Variants in IKZF3 observed in about 807,000 individuals in gnomAD.
The protein encoded by IKZF3 is IKAROS family zinc finger 3.
In IKZF3, 10 loss-of-function variants were observed where a neutral mutation model predicts 49.0. The observed-to-expected ratio is 0.20, with a 90% CI of 0.13 to 0.35. The LOEUF (loss-of-function observed/expected upper bound fraction) is 0.35. Among genes scored for constraint, IKZF3 ranks in the 10% least tolerant of loss-of-function variants. IKZF3 has a pLI of 1.00. For missense variants in IKZF3, 498 were observed against 664.8 expected, an observed-to-expected ratio of 0.75 and a Z score of 2.76; for synonymous variants, 209 against 228.2, an observed-to-expected ratio of 0.92 and a Z score of 0.76.
rs539420917 is a variant in IKZF3, at chr17:39,829,478, C to T, written c.72G>A (p.Ala24=). ...QEQSVPAESA[A]VLNDYSLTKS... Reference sequence around the variant, plus strand: ...TGGTTAAACTGTAGTCATTCAAAACCGCTGCACTTTCTAAAAGATAAAAGG... The same window carrying T: ...TGGTTAAACTGTAGTCATTCAAAACTGCTGCACTTTCTAAAAGATAAAAGG... Residue 24 remains alanine (A), a synonymous_variant, in exon 3 of 8, where the codon GCG becomes GCA. Transcript: ENST00000346872. 1.7e-5 allele frequency: 27 copies of T among 1,612,054 alleles called. No homozygotes were observed. Among genetic ancestry groups the T allele is most frequent in the South Asian group, 4.4e-5 (4 of 91,020 alleles).
intron 1 of IKZF3, among the ~76,000 whole-genome samples, chr17:39,840,177 T>C (rs1358312661): frequency 6.6e-6 from 1 of 152,184 alleles, no homozygotes; most frequent in Non-Finnish European, 1.5e-5. Flanking sequence ...TTAGCCTCAG[T>C]TGGGCTATTT....
At chr17:39,779,645 TG>T (rs1489188367) in intron 6 of IKZF3, among the ~76,000 whole-genome samples, 2 of 103,816 alleles carry the variant, frequency 1.9e-5, no homozygotes, top group African/African-American at 4.1e-5. Context: ...TTATATTCTT[TG>T]TTTTTTGTTT....
At chr17:39,852,148 C>A (rs1258130762) in intron 1 of IKZF3, among the ~76,000 whole-genome samples, 2 of 152,180 alleles carry the variant, frequency 1.3e-5, no homozygotes, top group African/African-American at 4.8e-5. Context: ...TAAACTTACA[C>A]TACAGATAGT....
intron 1 of IKZF3, chr17:39,835,214 G>T: frequency 1.9e-6 from 1 of 521,198 alleles, no homozygotes. Context: ...ACTTCAGCTG[G>T]CTCTCCTTGC....
intron 3 of IKZF3, among the ~76,000 whole-genome samples, chr17:39,803,664 C>T (rs545235906): frequency 4.9e-4 from 74 of 152,058 alleles, no homozygotes; most frequent in Non-Finnish European, 5.6e-4. Flanking sequence ...CAGGCATGTA[C>T]CACCATGCCC....
chr17:39,809,338 C>T (rs1040010966), intron 3 of IKZF3, among the ~76,000 whole-genome samples: 1 of 152,154 alleles, frequency 6.6e-6, no homozygotes, highest in African/African-American at 2.4e-5. Context: ...AACCAGGCAG[C>T]TAAACGAGAA....
intron 1 of IKZF3, among the ~76,000 whole-genome samples, chr17:39,859,063 C>T (rs1163343497): frequency 6.6e-6 from 1 of 151,732 alleles, no homozygotes; most frequent in Non-Finnish European, 1.5e-5. Context: ...CCCACCTTGG[C>T]CTCCCAAAGT....
chr17:39,802,297 A>T (rs2061339584), intron 3 of IKZF3, among the ~76,000 whole-genome samples: 1 of 149,626 alleles, frequency 6.7e-6, no homozygotes, highest in Non-Finnish European at 1.5e-5. Context: ...AATTCTATAG[A>T]TTTAAGTTCT....
At chr17:39,804,547 TAG>T (rs2061392691) in intron 3 of IKZF3, among the ~76,000 whole-genome samples, 1 of 152,144 alleles carries the variant, frequency 6.6e-6, no homozygotes, top group Admixed American at 6.5e-5. Flanking sequence ...GAAGAAGTAG[TAG>T]ATCACAATAG....
chr17:39,783,353 G>A (rs959071314), intron 6 of IKZF3, among the ~76,000 whole-genome samples: 2 of 152,058 alleles, frequency 1.3e-5, no homozygotes, highest in Admixed American at 6.6e-5. Context: ...ATGGAGTCTC[G>A]CTCTGTTGCC....
intron 3 of IKZF3, among the ~76,000 whole-genome samples, chr17:39,806,941 C>A (rs752263448): frequency 2.0e-5 from 3 of 152,154 alleles, no homozygotes; most frequent in Non-Finnish European, 4.4e-5. Context: ...GGCCAACCTC[C>A]AGTGAAGAAA....
At chr17:39,773,410 T>A (rs1464569412) in intron 7 of IKZF3, among the ~76,000 whole-genome samples, 2 of 152,220 alleles carry the variant, frequency 1.3e-5, no homozygotes, top group African/African-American at 4.8e-5. Context: ...AAAAATACTT[T>A]TTTTTCTCTT....
chr17:39,809,696 T>C (rs2061507413), intron 3 of IKZF3, among the ~76,000 whole-genome samples: 1 of 152,198 alleles, frequency 6.6e-6, no homozygotes, highest in South Asian at 2.1e-4. Flanking sequence ...CACATTTCCA[T>C]TCAGCATTTT....
At chr17:39,767,310 A>G (rs1292474107) in intron 7 of IKZF3, among the ~76,000 whole-genome samples, 1 of 152,170 alleles carries the variant, frequency 6.6e-6, no homozygotes, top group Non-Finnish European at 1.5e-5. Flanking sequence ...AACTGCTGAG[A>G]AGTTTTGAAA....
In IKZF3 at chr17:39,760,649, A is replaced by G. The variant is rs1567941996; in HGVS notation, c.*5141T>C. 6.6e-6 allele frequency: 1 copy of G among 152,194 alleles called. No homozygotes were observed. Among genetic ancestry groups the G allele is most frequent in the Non-Finnish European group, 1.5e-5 (1 of 68,060 alleles). 9.4% of individuals were successfully genotyped at this position (152,194 alleles called of 1,614,324 possible). A position where few individuals can be genotyped will look rare whatever the true frequency, so the allele number is the denominator to read the frequency against. On this transcript the variant is annotated 3_prime_UTR_variant, in exon 8 of 8. Transcript: ENST00000346872. ...CTCCTTAAAACATTCTAAACCTCAC[A>G]TTCAGTAGGGCTTGGGGAGGTGGGG...
intron 6 of IKZF3, among the ~76,000 whole-genome samples, chr17:39,779,578 CTG>C (rs2060677516): frequency 6.6e-6 from 1 of 151,678 alleles, no homozygotes; most frequent in Non-Finnish European, 1.5e-5. Context: ...AAACTTTTGT[CTG>C]TAAAGGGCCA....
chr17:39,849,684 C>A (rs562837934), intron 1 of IKZF3, among the ~76,000 whole-genome samples: 28 of 151,626 alleles, frequency 1.8e-4, no homozygotes, highest in Non-Finnish European at 3.5e-4. Flanking sequence ...AACAAAAAAA[C>A]GTGAATGACC....
chr17:39,793,331 T>C (rs553767765), intron 3 of IKZF3, among the ~76,000 whole-genome samples: 1 of 152,362 alleles, frequency 6.6e-6, no homozygotes, highest in Admixed American at 6.5e-5. Flanking sequence ...TGATGTACTC[T>C]TAGGTTTCAA....
chr17:39,760,673 G>A lies in IKZF3; in HGVS notation c.*5117C>T, dbSNP rs2060162912. The A allele has an allele frequency of 6.6e-6, 1 of 152,220 alleles. No individual in the cohort carries two copies. Among genetic ancestry groups the A allele is most frequent in the African/African-American group, 2.4e-5 (1 of 41,432 alleles). The allele number at this position is 152,220 out of a possible 1,614,324, so 9.4% of individuals were successfully genotyped here. The stretch of plus-strand genomic sequence containing the variant: ...CATTCAGTAGGGCTTGGGGAGGTGG[G>A]GGTGGTACAGGAAATAGGAGAATAA... On this transcript the variant is annotated 3_prime_UTR_variant, in exon 8 of 8. Coordinates refer to ENST00000346872, the MANE Select transcript of IKZF3 (RefSeq NM_012481.5).
Sources: allele counts gnomAD v4.1 joint callset (sites outside exome capture counted in the v4.1 genomes callset), GRCh38; gene constraint gnomAD v4.1.1; transcripts MANE v1.5; gene names NCBI Gene and HGNC (gene_info 2026-07-23, HGNC 2026-07-21).